The following BTBD1 variants were observed in gnomAD, a reference collection of about 807,000 sequenced individuals.
BTBD1 encodes BTB domain containing 1, also known as BTB/POZ domain-containing protein 1.
Under a neutral mutation model 48.0 loss-of-function variants are expected in BTBD1, and 34 were observed. That is an observed-to-expected ratio of 0.71 (90% confidence interval 0.54 to 0.94). The LOEUF (loss-of-function observed/expected upper bound fraction) is 0.94, where lower values mean the gene tolerates loss of function less well. Ranked by LOEUF, BTBD1 falls within the 40% of genes least tolerant of loss-of-function variation. The pLI is 0.00. For missense variants in BTBD1, 543 were observed against 625.6 expected, an observed-to-expected ratio of 0.87 and a Z score of 1.41; for synonymous variants, 261 against 242.1, an observed-to-expected ratio of 1.08 and a Z score of -0.72.
intron 4 of BTBD1, among the ~76,000 whole-genome samples, chr15:83,035,186 G>A (rs574253217): frequency 4.6e-5 from 7 of 151,930 alleles, no homozygotes; most frequent in South Asian, 4.2e-4. Flanking sequence ...CCCAGCTACC[G>A]GGGAGGCTGA....
chr15:83,028,157 T>C (rs949879036), intron 5 of BTBD1, among the ~76,000 whole-genome samples: 2 of 152,242 alleles, frequency 1.3e-5, no homozygotes, highest in Non-Finnish European at 2.9e-5. Flanking sequence ...AGAATTATAA[T>C]AACACTGCTT....
At chr15:83,018,279 T>G in intron 7 of BTBD1, 54 bp from the exon 8 acceptor site, 1 of 1,364,282 alleles carries the variant, frequency 7.3e-7, no homozygotes, top group South Asian at 1.6e-5. Flanking sequence ...GCACTCAGTT[T>G]AATGTGGTGT....
At chr15:83,046,791 G>A (rs542587368) in intron 3 of BTBD1, among the ~76,000 whole-genome samples, 64 of 152,288 alleles carry the variant, frequency 4.2e-4, no homozygotes, top group Non-Finnish European at 1.5e-5. Flanking sequence ...TTTACTCCCC[G>A]TCCTTCAGTA....
intron 4 of BTBD1, among the ~76,000 whole-genome samples, chr15:83,032,969 C>CAAAAAAAAAAAAAAAAAAAAAAA (rs56152195): frequency 6.9e-5 from 6 of 86,992 alleles, no homozygotes; most frequent in African/African-American, 3.0e-4. Flanking sequence ...TACTCTGTCT[C>CAAAAAAAAAAAAAAAAAAAAAAA]AAAAAAAAAA....
rs540785473 is a variant in BTBD1, at chr15:83,067,093, G to T, written c.59C>A (p.Pro20Gln). 1.5e-5 allele frequency: 22 copies of T among 1,514,976 alleles called. 1 individual carries two copies. In the South Asian group the frequency reaches 2.8e-4, roughly 19 times the overall value. 93.8% of individuals were successfully genotyped at this position (1,514,976 alleles called of 1,614,324 possible). The change falls in exon 1 of 8, where the codon CCG becomes CAG. Residue 20 changes from proline (P) to glutamine (Q), a missense_variant. By Grantham distance (76) the Pro-to-Gln change is moderately conservative (BLOSUM62 -1). Around this residue, in one of 3 missense-constraint regions of BTBD1, gnomAD observed 173 missense variants for 163.9 expected, o/e 1.06. Transcript: ENST00000261721. ...GEQASGAEAE[P>Q]GPAGPPPPPS... is the part of the protein sequence containing the mutation. ...CGGCGGCGGCGGCCCCGCGGGGCCCGGCTCCGCCTCAGCCCCCGACGCCTG... is the reference window on the plus strand; with the variant it reads ...CGGCGGCGGCGGCCCCGCGGGGCCCTGCTCCGCCTCAGCCCCCGACGCCTG...
In BTBD1 at chr15:83,044,401, C is replaced by T. The variant is rs976173563; in HGVS notation, c.665-2476G>A. 2.9e-5 allele frequency: 45 copies of T among 1,558,628 alleles called. No individual in the cohort carries two copies. In the Middle Eastern group the frequency reaches 3.3e-3, roughly 116 times the overall value. ...AGTTCAGCAGCTGGGAGGAAGATGG[C>T]GCCTGGTGGACAGCAAACGCTTTGA... On this transcript the variant is annotated intron_variant, in intron 3 of 7. Transcript: ENST00000261721.
intron 7 of BTBD1, 118 bp downstream of exon 7, chr15:83,018,589 C>T: frequency 8.6e-7 from 1 of 1,157,664 alleles, no homozygotes; most frequent in Non-Finnish European, 1.2e-6. Flanking sequence ...TTTTAGCTCC[C>T]AGCTTCTTTT....
At chr15:83,060,477 A>C (rs1422358930) in intron 1 of BTBD1, among the ~76,000 whole-genome samples, 1 of 149,994 alleles carries the variant, frequency 6.7e-6, no homozygotes, top group Non-Finnish European at 1.5e-5. Context: ...AAAAAAAAAC[A>C]ACTTAGGTTA....
intron 1 of BTBD1, among the ~76,000 whole-genome samples, chr15:83,059,875 A>G (rs2033149535): frequency 6.6e-6 from 1 of 152,186 alleles, no homozygotes; most frequent in Non-Finnish European, 1.5e-5. Context: ...TATAGGCCTG[A>G]GCCACTGTAC....
At chr15:83,058,220 C>T (rs1256556889) in intron 1 of BTBD1, among the ~76,000 whole-genome samples, 1 of 152,244 alleles carries the variant, frequency 6.6e-6, no homozygotes, top group Non-Finnish European at 1.5e-5. Flanking sequence ...TCCGCTGCGG[C>T]TTTGAAAGCT....
chr15:83,030,011 C>A, intron 5 of BTBD1, 125 bp downstream of exon 5: 1 of 932,918 alleles, frequency 1.1e-6, no homozygotes, highest in Admixed American at 2.2e-5. Flanking sequence ...ATTAACTTAA[C>A]TTAAAAGTGT....
intron 2 of BTBD1, among the ~76,000 whole-genome samples, chr15:83,054,059 C>T (rs1049978355): frequency 2.0e-5 from 3 of 152,290 alleles, no homozygotes; most frequent in Non-Finnish European, 2.9e-5. Flanking sequence ...AGATAATAGG[C>T]GAGGCACGGT....
intron 6 of BTBD1, 53 bp from the exon 7 acceptor site, chr15:83,018,906 T>C: frequency 6.9e-7 from 1 of 1,459,138 alleles, no homozygotes; most frequent in Non-Finnish European, 9.4e-7. Context: ...TAAAGCAAAC[T>C]ATAGAAAATA....
chr15:83,019,023 T>C (rs1401306246), intron 6 of BTBD1, among the ~76,000 whole-genome samples, 170 bp from the exon 7 acceptor site: 1 of 150,642 alleles, frequency 6.6e-6, no homozygotes, highest in Admixed American at 6.6e-5. Flanking sequence ...TGTGTGTGTG[T>C]TTGAGACAGA....
intron 1 of BTBD1, among the ~76,000 whole-genome samples, chr15:83,065,578 A>T (rs1000324989): frequency 1.3e-5 from 2 of 152,194 alleles, no homozygotes; most frequent in African/African-American, 2.4e-5. Flanking sequence ...AGTACTACCC[A>T]AGACTCTGCC....
chr15:83,060,346 C>T (rs1385316193), intron 1 of BTBD1, among the ~76,000 whole-genome samples: 1 of 151,056 alleles, frequency 6.6e-6, no homozygotes, highest in Non-Finnish European at 1.5e-5. Flanking sequence ...CACAATTCTT[C>T]GTATTTTAAA....
chr15:83,052,249 T>C (rs368759674), intron 2 of BTBD1, among the ~76,000 whole-genome samples: 3 of 152,116 alleles, frequency 2.0e-5, no homozygotes, highest in South Asian at 2.1e-4. Flanking sequence ...TGCTTGGTTT[T>C]TGTATTTTTT....
At chr15:83,019,033 ACTCT>A (rs1284905725) in intron 6 of BTBD1, among the ~76,000 whole-genome samples, 180 bp from the exon 7 acceptor site, 5 of 142,754 alleles carry the variant, frequency 3.5e-5, no homozygotes, top group African/African-American at 2.6e-5. Flanking sequence ...TTTGAGACAG[ACTCT>A]CTCACTCTGT....
intron 3 of BTBD1, chr15:83,044,301 A>C (rs551778440): frequency 1.1e-5 from 9 of 800,134 alleles, no homozygotes; most frequent in Admixed American, 4.5e-5. Context: ...TAAATACCCC[A>C]GTTCGACAGC....
Sources: allele counts gnomAD v4.1 joint callset (sites outside exome capture counted in the v4.1 genomes callset), GRCh38; gene constraint gnomAD v4.1.1; regional missense constraint gnomAD v4.1.1; transcripts MANE v1.5; gene names NCBI Gene and HGNC (gene_info 2026-07-23, HGNC 2026-07-21).